LDLRAD4: variants seen among roughly 807,000 people sequenced by gnomAD.
The protein encoded by LDLRAD4 is low density lipoprotein receptor class A domain containing 4.
A neutral mutation model predicts 17.0 loss-of-function variants in LDLRAD4; 5 were observed. The ratio of observed to expected loss-of-function variants is 0.29; its 90% confidence interval spans 0.15 to 0.62. The LOEUF is 0.62. Ranked by LOEUF, LDLRAD4 falls within the 20% of genes least tolerant of loss-of-function variation. The pLI is 0.84. For missense variants in LDLRAD4, 340 were observed against 424.7 expected (o/e 0.80, Z 1.75); for synonymous variants, 168 against 171.8 (o/e 0.98, Z 0.17).
intron 3 of LDLRAD4, chr18:13,612,778 C>A: frequency 6.2e-7 from 1 of 1,614,036 alleles, no homozygotes; most frequent in Non-Finnish European, 8.5e-7. Flanking sequence ...AAAAAAGGTA[C>A]ATTTCCCAAG....
At chr18:13,472,978 T>A (rs2092819893) in intron 3 of LDLRAD4, among the ~76,000 whole-genome samples, 1 of 152,244 alleles carries the variant, frequency 6.6e-6, no homozygotes, top group Admixed American at 6.5e-5. Flanking sequence ...TATGTCATTA[T>A]CATTCTCTGA....
At chr18:13,335,422 G>A (rs2082059079) in intron 1 of LDLRAD4, among the ~76,000 whole-genome samples, 1 of 152,114 alleles carries the variant, frequency 6.6e-6, no homozygotes, top group South Asian at 2.1e-4. Context: ...TAGGGATAAG[G>A]CAGTCAGTGA....
At chr18:13,417,520 C>A (rs969642266) in intron 2 of LDLRAD4, among the ~76,000 whole-genome samples, 1 of 151,502 alleles carries the variant, frequency 6.6e-6, no homozygotes, top group African/African-American at 2.4e-5. Context: ...GCAAGCTCTG[C>A]CTCCCGGGTT....
chr18:13,301,869 G>A (rs891990218), intron 1 of LDLRAD4, among the ~76,000 whole-genome samples: 1 of 152,146 alleles, frequency 6.6e-6, no homozygotes, highest in African/African-American at 2.4e-5. Flanking sequence ...AGGCAGGAGA[G>A]CTCCTGGGAG....
At chr18:13,334,756 G>A (rs556222891) in intron 1 of LDLRAD4, among the ~76,000 whole-genome samples, 3 of 152,260 alleles carry the variant, frequency 2.0e-5, no homozygotes, top group African/African-American at 7.2e-5. Flanking sequence ...TGGTGAGAAG[G>A]ATGTCCTTGC....
intron 3 of LDLRAD4, among the ~76,000 whole-genome samples, chr18:13,518,323 A>G (rs1003372491): frequency 1.3e-5 from 2 of 152,154 alleles, no homozygotes; most frequent in Admixed American, 1.3e-4. Context: ...GTCTCGTGTT[A>G]CTAGACCCAT....
At chr18:13,239,186 C>CA (rs35736846) in intron 1 of LDLRAD4, among the ~76,000 whole-genome samples, 11,680 of 121,202 alleles carry the variant, frequency 0.096, 617 homozygotes, top group Non-Finnish European at 0.11. Context: ...GACTCTGTCT[C>CA]AAAAAAAAAA....
chr18:13,601,887 A>G (rs1404052381), intron 3 of LDLRAD4, among the ~76,000 whole-genome samples: 1 of 152,224 alleles, frequency 6.6e-6, no homozygotes, highest in African/African-American at 2.4e-5. Context: ...ACTTGTTCAC[A>G]ATAGCAAAGA....
chr18:13,346,712 A>C (rs952150145), intron 1 of LDLRAD4, among the ~76,000 whole-genome samples: 6 of 152,168 alleles, frequency 3.9e-5, no homozygotes, highest in Non-Finnish European at 7.3e-5. Flanking sequence ...GTGGGAGTCT[A>C]AGTCTCTTTG....
rs555357470 is a variant in LDLRAD4 at position 13,247,108 on chromosome 18, G to A, written c.-467+28120G>A. On this transcript the variant is annotated intron_variant, in intron 1 of 5. Coordinates refer to the LDLRAD4 transcript ENST00000399848. ...AGATAATCTTTTAAATTCCAACCAG[G>A]CTTGCTTTAGGTGCCAGGAGGTAGT... 5.3e-4 allele frequency among the ~76,000 whole-genome samples: 81 copies of A among 152,166 alleles called. 1 individual carries two copies. In the South Asian group the frequency reaches 5.4e-3, roughly 10 times the overall value.
chr18:13,239,186 C>CCAA (rs761117161), intron 1 of LDLRAD4, among the ~76,000 whole-genome samples: 7 of 121,302 alleles, frequency 5.8e-5, no homozygotes, highest in Non-Finnish European at 1.0e-4. Context: ...GACTCTGTCT[C>CCAA]AAAAAAAAAA....
chr18:13,328,887 CAT>C (rs1455496740), intron 1 of LDLRAD4, among the ~76,000 whole-genome samples: 1 of 152,116 alleles, frequency 6.6e-6, no homozygotes. Context: ...ATAAAATAAA[CAT>C]AAAAATATTA....
At chr18:13,494,386 C>T (rs2093417416) in intron 3 of LDLRAD4, among the ~76,000 whole-genome samples, 1 of 152,094 alleles carries the variant, frequency 6.6e-6, no homozygotes, top group East Asian at 1.9e-4. Context: ...GAGGCTTTTT[C>T]CTGATGAGTT....
chr18:13,386,272 G>T lies in LDLRAD4; in HGVS notation c.-382-1069G>T, dbSNP rs76857217. On this transcript the variant is annotated intron_variant, in intron 1 of 5. Coordinates refer to ENST00000359446, the Ensembl canonical transcript of LDLRAD4. ...ATTCAGGATTCTGTTTTAAAAGTCTGATCCTTTGGGCTTCTGTCATTCTTG... is the reference window on the plus strand; with the variant it reads ...ATTCAGGATTCTGTTTTAAAAGTCTTATCCTTTGGGCTTCTGTCATTCTTG... Among the ~76,000 whole-genome samples, 1,060 of 152,268 alleles carry T rather than the reference G, an allele frequency of 7.0e-3. 47 individuals carry two copies. In the East Asian group the frequency reaches 0.12, roughly 17 times the overall value.
chr18:13,465,897 CT>C (rs1225344020), intron 3 of LDLRAD4, among the ~76,000 whole-genome samples: 2 of 152,304 alleles, frequency 1.3e-5, no homozygotes, highest in Non-Finnish European at 2.9e-5. Context: ...CTCTCTCCCC[CT>C]TTTTTGCCAT....
At chr18:13,302,326 C>G (rs1347430705) in intron 1 of LDLRAD4, among the ~76,000 whole-genome samples, 1 of 152,170 alleles carries the variant, frequency 6.6e-6, no homozygotes, top group East Asian at 1.9e-4. Flanking sequence ...GTTTGCCAAA[C>G]CTGGCGTTTG....
chr18:13,439,584 G>A (rs560414936), intron 3 of LDLRAD4, among the ~76,000 whole-genome samples: 1 of 152,204 alleles, frequency 6.6e-6, no homozygotes, highest in African/African-American at 2.4e-5. Context: ...TGTTTTGTGC[G>A]GTAGTCTCTG....
At chr18:13,271,626 G>A (rs575030688) in intron 1 of LDLRAD4, among the ~76,000 whole-genome samples, 1 of 152,326 alleles carries the variant, frequency 6.6e-6, no homozygotes, top group Admixed American at 6.5e-5. Context: ...TGAAGTCCTT[G>A]AATGCCGATA....
At chr18:13,450,618 G>T (rs1407231364) in intron 3 of LDLRAD4, among the ~76,000 whole-genome samples, 1 of 152,244 alleles carries the variant, frequency 6.6e-6, no homozygotes, top group Non-Finnish European at 1.5e-5. Flanking sequence ...ATGGGAGGGT[G>T]CAGTGTGTGT....
Sources: gnomAD v4.1 joint callset for allele counts (sites outside exome capture counted in the v4.1 genomes callset) on GRCh38, gnomAD v4.1.1 for gene constraint, MANE v1.5 for transcripts, NCBI Gene and HGNC (gene_info 2026-07-23, HGNC 2026-07-21) for gene names.